MSX2: variants seen among roughly 807,000 people sequenced by gnomAD.
MSX2 encodes the protein homeobox protein MSX-2.
Under a neutral mutation model 18.4 loss-of-function variants are expected in MSX2, and 10 were observed. That is an observed-to-expected ratio of 0.54 (90% CI 0.34 to 0.92). The LOEUF (loss-of-function observed/expected upper bound fraction) is 0.92, where lower values mean the gene tolerates loss of function less well. MSX2 is among the 40% of genes least tolerant of loss of function. The pLI is 0.02. For missense variants in MSX2, 339 were observed against 364.0 expected (o/e 0.93, Z 0.56); for synonymous variants, 170 against 165.6 (o/e 1.03, Z -0.20).
intron 1 of MSX2, among the ~76,000 whole-genome samples, chr5:174,728,201 G>A (rs144023611): frequency 1.9e-4 from 29 of 152,184 alleles, no homozygotes; most frequent in African/African-American, 5.5e-4. Context: ...ACATTTGCCC[G>A]AAGCCATAGA....
intron 1 of MSX2, among the ~76,000 whole-genome samples, chr5:174,725,832 T>C (rs1356209522): frequency 6.6e-6 from 1 of 152,180 alleles, no homozygotes; most frequent in Non-Finnish European, 1.5e-5. Flanking sequence ...AGATCCTCAC[T>C]AGAACCCCCA....
intron 1 of MSX2, among the ~76,000 whole-genome samples, chr5:174,728,262 C>T (rs561339432): frequency 6.6e-6 from 1 of 152,318 alleles, no homozygotes; most frequent in Non-Finnish European, 1.5e-5. Context: ...AATTTGGAGG[C>T]AGCATGATTT....
chr5:174,729,110 T>G, intron 1 of MSX2, 49 bp from the exon 2 acceptor site: 1 of 1,586,818 alleles, frequency 6.3e-7, no homozygotes, highest in Admixed American at 1.7e-5. Context: ...TTTAGTATTA[T>G]TTTAATGTAA....
At chr5:174,725,216 G>C in intron 1 of MSX2, 178 bp downstream of exon 1, 1 of 973,962 alleles carries the variant, frequency 1.0e-6, no homozygotes, top group Non-Finnish European at 1.5e-6. Context: ...CCAGTGCGCC[G>C]TCCGCATCCA....
chr5:174,728,703 G>A (rs1760854940), intron 1 of MSX2, among the ~76,000 whole-genome samples: 1 of 152,136 alleles, frequency 6.6e-6, no homozygotes, highest in Admixed American at 6.5e-5. Flanking sequence ...AGAAGAGATA[G>A]CGGTTCATTT....
chr5:174,730,215 C>G lies in MSX2; in HGVS notation c.*632C>G, dbSNP rs1161719771. On this transcript the variant is annotated 3_prime_UTR_variant, in exon 2 of 2. Transcript: ENST00000239243. ...ATACTACAGTTGTTCCTATCTCTCC[C>G]CCGCCCCCCACCGCCCCACCACACA... The G allele has an allele frequency of 6.6e-6, 1 of 151,732 alleles. No homozygotes were observed. Among genetic ancestry groups the G allele is most frequent in the Non-Finnish European group, 1.5e-5 (1 of 67,982 alleles). 9.4% of individuals were successfully genotyped at this position (151,732 alleles called of 1,614,324 possible).
At position 174,730,592 on chromosome 5, in the gene MSX2, T is replaced by C. The variant is rs1320492816; in HGVS notation, c.*1009T>C. On this transcript the variant is annotated 3_prime_UTR_variant, in exon 2 of 2. Coordinates refer to ENST00000239243, the MANE Select transcript of MSX2 (RefSeq NM_002449.5). ...GTAGATCCAGAAAGAAAAAAAAATA[T>C]GCTTTCTCTGTGTGTGTACCTGTTG... 1.3e-5 allele frequency: 2 copies of C among 150,234 alleles called. No individual in the cohort carries two copies. Among genetic ancestry groups the C allele is most frequent in the African/African-American group, 2.5e-5 (1 of 40,680 alleles). The allele number at this position is 150,234 out of a possible 1,614,324, so 9.3% of individuals were successfully genotyped here. A position where few individuals can be genotyped will look rare whatever the true frequency, so the allele number is the denominator to read the frequency against.
rs1369189067 is a variant in MSX2 at position 174,729,809 on chromosome 5, T to A, written c.*226T>A. 1 of 427,972 alleles carries A rather than the reference T, an allele frequency of 2.3e-6. No individual in the cohort carries two copies. Among genetic ancestry groups the A allele is most frequent in the Non-Finnish European group, 4.2e-6 (1 of 239,410 alleles). The allele number at this position is 427,972 out of a possible 1,614,324, so 26.5% of individuals were successfully genotyped here. On this transcript the variant is annotated 3_prime_UTR_variant, in exon 2 of 2. Coordinates refer to ENST00000239243, the MANE Select transcript of MSX2 (RefSeq NM_002449.5). Reference sequence around the variant, plus strand: ...AATCTTCCAGATGCCCCCTTTTCCTTTCACAAAGATTGGCTCTGATGGTTT... The same window carrying A: ...AATCTTCCAGATGCCCCCTTTTCCTATCACAAAGATTGGCTCTGATGGTTT...
At position 174,724,596 on chromosome 5, in the gene MSX2, T is replaced by A; in HGVS notation, c.-64T>A. On this transcript the variant is annotated 5_prime_UTR_variant, in exon 1 of 2. Transcript: ENST00000239243. ...CTCCCGTCTCCGCAGCAAAAAAGTTTGAGTCGCCGCTGCCGGGTTGCCAGC... is the reference window on the plus strand; with the variant it reads ...CTCCCGTCTCCGCAGCAAAAAAGTTAGAGTCGCCGCTGCCGGGTTGCCAGC... 1 of 1,544,396 alleles carries A rather than the reference T, an allele frequency of 6.5e-7. No individual in the cohort carries two copies. Among genetic ancestry groups the A allele is most frequent in the Non-Finnish European group, 8.7e-7 (1 of 1,143,738 alleles).
chr5:174,724,715 C>G lies in MSX2; in HGVS notation c.56C>G (p.Ala19Gly). Reference sequence around the variant, plus strand: ...TTTTCGCCCGACGAGGAGGGCCCAGCAGTGGTGGCCGGACCAGGCCCGGGG... The same window carrying G: ...TTTTCGCCCGACGAGGAGGGCCCAGGAGTGGTGGCCGGACCAGGCCCGGGG... ...DLFSPDEEGPAVVAGPGPGPG... is the reference protein window; with the variant it reads ...DLFSPDEEGPGVVAGPGPGPG... Residue 19 changes from alanine to glycine, a missense_variant, in exon 1 of 2, where the codon GCA becomes GGA. Coordinates refer to ENST00000239243, the MANE Select transcript of MSX2 (RefSeq NM_002449.5). 2 of 1,594,036 alleles carry G rather than the reference C, an allele frequency of 1.3e-6. No individual in the cohort carries two copies. The highest frequency in any genetic ancestry group is 1.7e-6 in the Non-Finnish European group (2 of 1,171,172).
At position 174,729,227 on chromosome 5, in the gene MSX2, A is replaced by T; in HGVS notation, c.448A>T (p.Thr150Ser). 6.2e-7 allele frequency: 1 copy of T among 1,614,106 alleles called. No homozygotes were observed. The highest frequency in any genetic ancestry group is 8.5e-7 in the Non-Finnish European group (1 of 1,180,030). The change falls in exon 2 of 2, where the codon ACC becomes TCC. Residue 150 changes from threonine (T) to serine (S), a missense_variant. Thr to Ser is a moderately conservative substitution (Grantham distance 58). This residue lies in a region of MSX2 where 128 missense variants were observed against 178.6 expected (regional missense o/e 0.72). Coordinates refer to ENST00000239243, the MANE Select transcript of MSX2 (RefSeq NM_002449.5). Reference sequence around the variant, plus strand: ...CAATCGGAAGCCGCGCACGCCCTTTACCACATCCCAGCTCCTCGCCCTGGA... The same window carrying T: ...CAATCGGAAGCCGCGCACGCCCTTTTCCACATCCCAGCTCCTCGCCCTGGA... ...KTNRKPRTPF[T>S]TSQLLALERK...
rs188229879 is a variant in MSX2 at position 174,727,357 on chromosome 5, T to C, written c.380-1802T>C. ...CATAGCTTCATGGTTTTGATACACA[T>C]GTGCGATCCCGGTCACCTGGATTTC... On this transcript the variant is annotated intron_variant, in intron 1 of 1. Transcript: ENST00000239243. Among the ~76,000 whole-genome samples the C allele has an allele frequency of 6.6e-5, 10 of 152,262 alleles. No homozygotes were observed. In the East Asian group the frequency reaches 1.9e-3, roughly 29 times the overall value.
rs556172605 is a variant in MSX2, at chr5:174,725,190, G to C, written c.379+152G>C. 7.6e-5 allele frequency: 96 copies of C among 1,269,402 alleles called. No homozygotes were observed. The East Asian group carries it at 2.1e-3, about 27-fold the overall frequency. 78.6% of individuals were successfully genotyped at this position (1,269,402 alleles called of 1,614,324 possible). A position where few individuals can be genotyped will look rare whatever the true frequency, so the allele number is the denominator to read the frequency against. On this transcript the variant is annotated intron_variant, in intron 1 of 1. Coordinates refer to ENST00000239243, the MANE Select transcript of MSX2 (RefSeq NM_002449.5). Reference sequence around the variant, plus strand: ...AGGGCCTCTGGACTCCTGGGTGCCCGGGGCGTTCGGCGCGCCCAGTGCGCC... The same window carrying C: ...AGGGCCTCTGGACTCCTGGGTGCCCCGGGCGTTCGGCGCGCCCAGTGCGCC...
At position 174,729,340 on chromosome 5, in the gene MSX2, A is replaced by G; in HGVS notation, c.561A>G (p.Lys187=). 1 of 1,614,216 alleles carries G rather than the reference A, an allele frequency of 6.2e-7. No homozygotes were observed. Among genetic ancestry groups the G allele is most frequent in the Non-Finnish European group, 8.5e-7 (1 of 1,180,050 alleles). ...TGAACCTCACAGAGACCCAGGTCAA[A>G]ATCTGGTTCCAGAACCGAAGGGCCA... ...SSLNLTETQV[K]IWFQNRRAKA... is the part of the protein sequence containing the mutation. The change falls in exon 2 of 2, where the codon AAA becomes AAG. Residue 187 remains lysine (K), a synonymous_variant. Coordinates refer to ENST00000239243, the MANE Select transcript of MSX2 (RefSeq NM_002449.5).
intron 1 of MSX2, among the ~76,000 whole-genome samples, chr5:174,728,847 T>TA (rs1455782152): frequency 6.6e-6 from 1 of 152,148 alleles, no homozygotes; most frequent in Non-Finnish European, 1.5e-5. Flanking sequence ...AACTCATTTT[T>TA]AAAAAACGAA....
At position 174,730,696 on chromosome 5, in the gene MSX2, G is replaced by A. The variant is rs947851952; in HGVS notation, c.*1113G>A. 1 of 152,438 alleles carries A rather than the reference G, an allele frequency of 6.6e-6. No homozygotes were observed. The highest frequency in any genetic ancestry group is 2.4e-5 in the African/African-American group (1 of 41,360). 9.4% of individuals were successfully genotyped at this position (152,438 alleles called of 1,614,324 possible). A position where few individuals can be genotyped will look rare whatever the true frequency, so the allele number is the denominator to read the frequency against. ...AGAAGGTAAAGCCATGTTTTGACTT[G>A]GTGAAAATGGGATTGTCAAACAGCC... On this transcript the variant is annotated 3_prime_UTR_variant, in exon 2 of 2. Transcript: ENST00000239243.
Position 174,729,716 on chromosome 5 carries a change from A to T in MSX2, c.*133A>T. The T allele has an allele frequency of 1.1e-6, 1 of 888,284 alleles. No individual in the cohort carries two copies. Among genetic ancestry groups the T allele is most frequent in the South Asian group, 1.4e-5 (1 of 70,552 alleles). 55.0% of individuals were successfully genotyped at this position (888,284 alleles called of 1,614,324 possible). On this transcript the variant is annotated 3_prime_UTR_variant, in exon 2 of 2. Transcript: ENST00000239243. ...TGCACCACCCTAAGCGGCTAGGCTGACAGGGCCACACGACATAGCTGAAAT... is the reference window on the plus strand; with the variant it reads ...TGCACCACCCTAAGCGGCTAGGCTGTCAGGGCCACACGACATAGCTGAAAT...
chr5:174,727,621 G>A (rs1310038184), intron 1 of MSX2, among the ~76,000 whole-genome samples: 1 of 152,154 alleles, frequency 6.6e-6, no homozygotes, highest in Non-Finnish European at 1.5e-5. Flanking sequence ...CTGGCTCCCC[G>A]GCTGTCTAGT....
In MSX2 at chr5:174,729,213, C is replaced by A; in HGVS notation, c.434C>A (p.Pro145Gln). Residue 145 changes from proline (P) to glutamine (Q), a missense_variant, in exon 2 of 2, where the codon CCG becomes CAG. Physicochemically the swap from Pro to Gln is moderately conservative, Grantham distance 76. Coordinates refer to ENST00000239243, the MANE Select transcript of MSX2 (RefSeq NM_002449.5). ...AGGAAACACAAGACCAATCGGAAGC[C>A]GCGCACGCCCTTTACCACATCCCAG... ...TLRKHKTNRK[P>Q]RTPFTTSQLL... is the part of the protein sequence containing the mutation. 1 of 1,614,124 alleles carries A rather than the reference C, an allele frequency of 6.2e-7. No individual in the cohort carries two copies. The highest frequency in any genetic ancestry group is 8.5e-7 in the Non-Finnish European group (1 of 1,180,032).
Sources: gnomAD v4.1 joint callset for allele counts (sites outside exome capture counted in the v4.1 genomes callset) on GRCh38, gnomAD v4.1.1 for gene constraint, gnomAD v4.1.1 regional missense constraint, MANE v1.5 for transcripts, NCBI Gene and HGNC (gene_info 2026-07-23, HGNC 2026-07-21) for gene names.